DPP6: variants seen among roughly 807,000 people sequenced by gnomAD.
DPP6 encodes A-type potassium channel modulatory protein DPP6.
A neutral mutation model predicts 122.6 loss-of-function variants in DPP6; 69 were observed. That is an observed-to-expected ratio of 0.56 (90% CI 0.46 to 0.69). DPP6 has a LOEUF of 0.69. Ranked by LOEUF, DPP6 falls within the 30% of genes least tolerant of loss-of-function variation. The pLI is 0.00. For synonymous variants in DPP6, 418 were observed against 433.1 expected (o/e 0.97, Z 0.43); for missense variants, 928 against 1,116.9 (o/e 0.83, Z 2.41).
chr7:153,887,757 G>A (rs1798997346), intron 1 of DPP6: 9 of 1,611,618 alleles, frequency 5.6e-6, no homozygotes, highest in South Asian at 1.1e-5. Flanking sequence ...GACAGGGCGC[G>A]CGCTGGGTCG....
At chr7:153,825,275 C>A in the DPP6 span, among the ~76,000 whole-genome samples, 1 of 152,174 alleles carries the variant, frequency 6.6e-6, no homozygotes, top group South Asian at 2.1e-4. Context: ...CTTGGAGAGA[C>A]CCCCTTTAAG....
In DPP6 at chr7:153,960,414, C is replaced by T. The variant is rs564953469; in HGVS notation, c.51+72680C>T. Among the ~76,000 whole-genome samples, 15 of 152,266 alleles carry T rather than the reference C, an allele frequency of 9.9e-5. No homozygotes were observed. The South Asian group carries it at 2.7e-3, about 27-fold the overall frequency. On this transcript the variant is annotated intron_variant, in intron 1 of 25. Transcript: ENST00000404039. ...GGTCACATTCTTAATAGCCGCACCCCAAGTGAGCCAGGAAAAATGCTTGTA... is the reference window on the plus strand; with the variant it reads ...GGTCACATTCTTAATAGCCGCACCCTAAGTGAGCCAGGAAAAATGCTTGTA...
chr7:154,313,500 G>C (rs1191895351), intron 1 of DPP6, among the ~76,000 whole-genome samples: 1 of 151,590 alleles, frequency 6.6e-6, no homozygotes, highest in Non-Finnish European at 1.5e-5. Context: ...TGTGGAATAG[G>C]TAAAACCAGA....
intron 1 of DPP6, among the ~76,000 whole-genome samples, chr7:154,071,009 C>T (rs1332229266): frequency 2.0e-5 from 3 of 152,158 alleles, no homozygotes; most frequent in African/African-American, 7.2e-5. Context: ...GAAATAGTAG[C>T]TTATCATGTA....
chr7:154,823,407 C>A (rs6597426), intron 16 of DPP6, among the ~76,000 whole-genome samples: 119,835 of 152,154 alleles, frequency 0.79, 47,342 homozygotes, highest in Non-Finnish European at 0.82. Context: ...TGCAATTTTA[C>A]ACCCTATACT....
At chr7:153,875,841 C>T in the DPP6 span, among the ~76,000 whole-genome samples, 31 of 146,076 alleles carry the variant, frequency 2.1e-4, no homozygotes, top group African/African-American at 6.8e-4. Context: ...ATTGAATACT[C>T]AGATTAAAAG....
intron 17 of DPP6, among the ~76,000 whole-genome samples, chr7:154,854,673 A>G (rs1802679134): frequency 6.6e-6 from 1 of 152,170 alleles, no homozygotes; most frequent in African/African-American, 2.4e-5. Context: ...TTGGTCAAGG[A>G]GAGTCTTTGA....
chr7:154,274,864 A>G (rs1000552030), intron 1 of DPP6, among the ~76,000 whole-genome samples: 3 of 152,210 alleles, frequency 2.0e-5, no homozygotes, highest in African/African-American at 7.2e-5. Context: ...TTTTTTGAAA[A>G]TGAAGTGGAA....
At chr7:154,639,010 C>T (rs974063252) in intron 6 of DPP6, among the ~76,000 whole-genome samples, 1 of 152,190 alleles carries the variant, frequency 6.6e-6, no homozygotes, top group Non-Finnish European at 1.5e-5. Flanking sequence ...TAGGTTGAGG[C>T]ATCCTCATTT....
intron 16 of DPP6, among the ~76,000 whole-genome samples, chr7:154,846,912 T>A (rs1801986854): frequency 6.6e-6 from 1 of 152,204 alleles, no homozygotes; most frequent in Non-Finnish European, 1.5e-5. Flanking sequence ...TAGGTGTAGA[T>A]CTACTAATTC....
chr7:154,221,585 T>C (rs1800309359), intron 1 of DPP6, among the ~76,000 whole-genome samples: 1 of 152,226 alleles, frequency 6.6e-6, no homozygotes, highest in Non-Finnish European at 1.5e-5. Flanking sequence ...GCCTATTCAT[T>C]GGTTGACCTT....
intron 7 of DPP6, among the ~76,000 whole-genome samples, chr7:154,697,270 A>T (rs536193218): frequency 6.6e-6 from 1 of 152,256 alleles, no homozygotes; most frequent in African/African-American, 2.4e-5. Flanking sequence ...CCCTTTAAGG[A>T]GGCTTGGACA....
At chr7:154,557,150 G>GA (rs1830103501) in intron 4 of DPP6, among the ~76,000 whole-genome samples, 1 of 152,094 alleles carries the variant, frequency 6.6e-6, no homozygotes, top group Non-Finnish European at 1.5e-5. Context: ...ACCCATCGGG[G>GA]GCATCCAAGC....
At chr7:154,422,896 AC>A (rs1817595627) in intron 1 of DPP6, among the ~76,000 whole-genome samples, 2 of 152,182 alleles carry the variant, frequency 1.3e-5, no homozygotes, top group Admixed American at 6.5e-5. Context: ...TAAATAAATT[AC>A]TTTTTCGTAA....
intron 1 of DPP6, among the ~76,000 whole-genome samples, chr7:153,922,779 G>T (rs1800699528): frequency 6.6e-6 from 1 of 152,216 alleles, no homozygotes; most frequent in South Asian, 2.1e-4. Context: ...CATCAGGAGA[G>T]AAAGGGTTCT....
chr7:153,865,699 C>T, the DPP6 span, among the ~76,000 whole-genome samples: 28 of 152,186 alleles, frequency 1.8e-4, no homozygotes, highest in East Asian at 3.1e-3. Context: ...ATGTGCACAA[C>T]GTGCACGTTT....
Position 154,889,449 on chromosome 7 carries a change from T to TTTCACAGAAAAAATTCA in DPP6, c.2378-7_2378-6insTCACAGAAAAAATTCAT. The TTTCACAGAAAAAATTCA allele has an allele frequency of 6.4e-7, 1 of 1,566,608 alleles. No individual in the cohort carries two copies. On this transcript the variant is annotated splice_polypyrimidine_tract_variant and splice_region_variant and intron_variant, in intron 24 of 25. Coordinates refer to ENST00000377770, the MANE Select transcript of DPP6 (RefSeq NM_130797.4). ...CTTCCTCTCTTTTTTTTTTTTTTTT[T>TTTCACAGAAAAAATTCA]TGCACAGAAAAAATTCATTTCCAGC...
intron 1 of DPP6, among the ~76,000 whole-genome samples, chr7:153,949,126 C>T (rs1487500848): frequency 6.6e-6 from 1 of 152,174 alleles, no homozygotes; most frequent in African/African-American, 2.4e-5. Flanking sequence ...GGTCTCTGCC[C>T]GGAGCATCGG....
At chr7:154,463,558 G>A (rs886108264) in intron 2 of DPP6, among the ~76,000 whole-genome samples, 1 of 152,092 alleles carries the variant, frequency 6.6e-6, no homozygotes, top group African/African-American at 2.4e-5. Context: ...CCCCACAGCT[G>A]GGAATGTCCT....
Sources: allele counts gnomAD v4.1 joint callset (sites outside exome capture counted in the v4.1 genomes callset), GRCh38; gene constraint gnomAD v4.1.1; transcripts MANE v1.5; gene names NCBI Gene and HGNC (gene_info 2026-07-23, HGNC 2026-07-21).